HACL1: variants seen among roughly 807,000 people sequenced by gnomAD.
HACL1 encodes 1600020H07Rik.
In HACL1, 64 loss-of-function variants were observed where a neutral mutation model predicts 74.2. The observed-to-expected ratio is 0.86, with a 90% CI of 0.70 to 1.06. The LOEUF is 1.06. Among genes scored for constraint, HACL1 ranks in the 50% least tolerant of loss-of-function variants. The pLI is 0.00. For missense variants in HACL1, 728 were observed against 719.7 expected, an observed-to-expected ratio of 1.01 and a Z score of -0.13; for synonymous variants, 230 against 238.8, an observed-to-expected ratio of 0.96 and a Z score of 0.34.
intron 11 of HACL1, among the ~76,000 whole-genome samples, chr3:15,572,244 C>T (rs1393785928): frequency 9.2e-5 from 14 of 152,042 alleles, no homozygotes; most frequent in Admixed American, 9.2e-4. Flanking sequence ...TTTTTTTCTT[C>T]CAGTTAGTAA....
rs915245539 is a variant in HACL1 at position 15,590,721 on chromosome 3, A to C, written c.308+879T>G. The stretch of plus-strand genomic sequence containing the variant: ...TCTTTAAAAAAATAATTCTTCACTT[A>C]AAGTAAATAGAACTACACATACGTT... On this transcript the variant is annotated intron_variant, in intron 4 of 16. Transcript: ENST00000321169. Among the ~76,000 whole-genome samples, 16 of 152,336 alleles carry C rather than the reference A, an allele frequency of 1.1e-4. No individual in the cohort carries two copies. The East Asian group carries it at 3.1e-3, about 29-fold the overall frequency.
chr3:15,587,469 G>C (rs1407286176), intron 5 of HACL1, among the ~76,000 whole-genome samples: 4 of 141,234 alleles, frequency 2.8e-5, no homozygotes, highest in Non-Finnish European at 4.7e-5. Context: ...CCGATTTTCA[G>C]TCTATGTTCA....
intron 5 of HACL1, among the ~76,000 whole-genome samples, chr3:15,588,189 C>T (rs766089504): frequency 5.9e-5 from 9 of 152,158 alleles, no homozygotes; most frequent in Non-Finnish European, 1.2e-4. Context: ...CCACCATGCC[C>T]GGCTGTCTAA....
intron 5 of HACL1, among the ~76,000 whole-genome samples, chr3:15,588,599 GAAAA>G (rs1044968037): frequency 4.2e-5 from 6 of 144,018 alleles, no homozygotes; most frequent in African/African-American, 7.7e-5. Flanking sequence ...TCTCAAAAAA[GAAAA>G]AAAAAAGAAA....
chr3:15,591,086 G>A (rs73148182), intron 4 of HACL1, among the ~76,000 whole-genome samples: 3 of 152,038 alleles, frequency 2.0e-5, no homozygotes, highest in Admixed American at 6.6e-5. Context: ...CTCAAAAAAA[G>A]AAAGTGTTTA....
At chr3:15,567,304 A>AG (rs1308154614) in intron 14 of HACL1, among the ~76,000 whole-genome samples, 3 of 138,716 alleles carry the variant, frequency 2.2e-5, no homozygotes, top group South Asian at 2.3e-4. Flanking sequence ...TCCACTTCCC[A>AG]GTTCAAGCAA....
chr3:15,579,833 G>T, intron 9 of HACL1, 77 bp downstream of exon 9: 1 of 1,005,192 alleles, frequency 9.9e-7, no homozygotes, highest in Non-Finnish European at 1.5e-6. Flanking sequence ...CTCCATCCTA[G>T]ATGAAGATCA....
rs185871677 is a variant in HACL1, at chr3:15,577,548, T to A, written c.803+2362A>T. Among the ~76,000 whole-genome samples the A allele has an allele frequency of 1.8e-3, 268 of 151,024 alleles. 1 individual carries two copies. The highest frequency in any genetic ancestry group is 6.1e-3 in the African/African-American group (250 of 41,246). On this transcript the variant is annotated intron_variant, in intron 9 of 16. Coordinates refer to ENST00000321169, the MANE Select transcript of HACL1 (RefSeq NM_012260.4). ...GCTCATGCCTGTAATCCTAGCACTT[T>A]GCGAGGCCTAGAAGGGTGGATTCCT...
intron 11 of HACL1, among the ~76,000 whole-genome samples, chr3:15,572,267 A>T (rs1475693399): frequency 1.3e-5 from 2 of 152,224 alleles, no homozygotes; most frequent in African/African-American, 4.8e-5. Flanking sequence ...ACCTGATAGA[A>T]TCAATGGGAA....
chr3:15,575,549 AT>A (rs1688166185), intron 9 of HACL1, among the ~76,000 whole-genome samples: 1 of 147,150 alleles, frequency 6.8e-6, no homozygotes, highest in South Asian at 2.1e-4. Flanking sequence ...CACTTTTTTT[AT>A]TTTGTTTTGA....
At chr3:15,565,057 C>T (rs1379597328) in intron 14 of HACL1, among the ~76,000 whole-genome samples, 6 of 151,704 alleles carry the variant, frequency 4.0e-5, no homozygotes, top group Admixed American at 1.3e-4. Flanking sequence ...CCCAGCTACT[C>T]GGGAGGCTGA....
intron 3 of HACL1, among the ~76,000 whole-genome samples, chr3:15,593,720 C>T (rs532789656): frequency 1.4e-4 from 21 of 149,606 alleles, no homozygotes; most frequent in African/African-American, 4.2e-4. Flanking sequence ...ATAAATATAA[C>T]GTCGACTGAT....
In HACL1 at chr3:15,585,353, T is replaced by C. The variant is rs371914744; in HGVS notation, c.460-11A>G. On this transcript the variant is annotated splice_polypyrimidine_tract_variant and intron_variant, in intron 6 of 16. Coordinates refer to ENST00000321169, the MANE Select transcript of HACL1 (RefSeq NM_012260.4). ...ACTGCTTCTCACTGCCTACGTTCAT[T>C]ACAAGTAGAAGAAAAGATTTGTAAA... 5.5e-6 allele frequency: 8 copies of C among 1,447,992 alleles called. No homozygotes were observed. The African/African-American group carries it at 1.1e-4, about 20-fold the overall frequency. 89.7% of individuals were successfully genotyped at this position (1,447,992 alleles called of 1,614,324 possible). A position where few individuals can be genotyped will look rare whatever the true frequency, so the allele number is the denominator to read the frequency against.
At chr3:15,565,861 C>G (rs897283467) in intron 14 of HACL1, among the ~76,000 whole-genome samples, 1 of 152,202 alleles carries the variant, frequency 6.6e-6, no homozygotes, top group African/African-American at 2.4e-5. Flanking sequence ...AAAATTGGAT[C>G]TGTACTCAAC....
At position 15,579,987 on chromosome 3, in the gene HACL1, C is replaced by T; in HGVS notation, c.726G>A (p.Leu242=). The T allele has an allele frequency of 6.2e-7, 1 of 1,608,370 alleles. No homozygotes were observed. The highest frequency in any genetic ancestry group is 1.1e-5 in the South Asian group (1 of 90,936). The change falls in exon 9 of 17, where the codon CTG becomes CTA. Residue 242 remains leucine (L), a synonymous_variant. Transcript: ENST00000321169. ...SIKKLVEQYK[L]PFLPTPMGKG... Reference sequence around the variant, plus strand: ...TCCCCATAGGGGTGGGCAAAAATGGCAGTTTATATTGCTCCACCAATTTCT... The same window carrying T: ...TCCCCATAGGGGTGGGCAAAAATGGTAGTTTATATTGCTCCACCAATTTCT...
At chr3:15,566,158 G>T (rs1321781208) in intron 14 of HACL1, among the ~76,000 whole-genome samples, 1 of 152,098 alleles carries the variant, frequency 6.6e-6, no homozygotes, top group Non-Finnish European at 1.5e-5. Flanking sequence ...CCAAAGCTTT[G>T]CCAACCCCAA....
Position 15,571,770 on chromosome 3 carries a change from C to CT in HACL1, c.994-2dup, listed in dbSNP as rs779005335. On this transcript the variant is annotated splice_acceptor_variant, in intron 11 of 16. Coordinates refer to ENST00000321169, the MANE Select transcript of HACL1 (RefSeq NM_012260.4). LOFTEE classifies it high-confidence loss of function. ...GTGTTTTATCAAGTTCCTCTAAAAG[C>CT]TTAAAAAAAAAAAAACACACACACA... is the stretch of plus-strand genomic sequence containing the variant. The CT allele has an allele frequency of 1.0e-6, 1 of 990,722 alleles. No homozygotes were observed. Among genetic ancestry groups the CT allele is most frequent in the Non-Finnish European group, 1.5e-6 (1 of 683,144 alleles). 61.4% of individuals were successfully genotyped at this position (990,722 alleles called of 1,614,324 possible).
chr3:15,585,167 T>C (rs1381025713), intron 7 of HACL1, 81 bp downstream of exon 7: 2 of 711,918 alleles, frequency 2.8e-6, no homozygotes, highest in African/African-American at 3.6e-5. Flanking sequence ...TATAAACTGC[T>C]GGGTAAATTC....
At chr3:15,590,541 A>T (rs1297897983) in intron 4 of HACL1, among the ~76,000 whole-genome samples, 3 of 152,228 alleles carry the variant, frequency 2.0e-5, no homozygotes, top group Non-Finnish European at 4.4e-5. Flanking sequence ...TCTCACTGGT[A>T]AAGTGCCAGA....
Sources: gnomAD v4.1 joint callset for allele counts (sites outside exome capture counted in the v4.1 genomes callset) on GRCh38, gnomAD v4.1.1 for gene constraint, MANE v1.5 for transcripts, NCBI Gene and HGNC (gene_info 2026-07-23, HGNC 2026-07-21) for gene names.